PCDH15: variants seen among roughly 807,000 people sequenced by gnomAD.
PCDH15 encodes the protein protocadherin-15.
A neutral mutation model predicts 178.5 loss-of-function variants in PCDH15; 129 were observed. That is an observed-to-expected ratio of 0.72 (90% CI 0.63 to 0.84). The LOEUF (loss-of-function observed/expected upper bound fraction) is 0.84, where lower values mean the gene tolerates loss of function less well. Ranked by LOEUF, PCDH15 falls within the 40% of genes least tolerant of loss-of-function variation. The probability of loss-of-function intolerance (pLI) is 0.00; values close to 1 mark genes in which losing one functional copy is unlikely to be tolerated. For synonymous variants in PCDH15, 800 were observed against 732.0 expected (o/e 1.09, Z -1.50); for missense variants, 2,230 against 2,099.9 (o/e 1.06, Z -1.21).
intron 3 of PCDH15, among the ~76,000 whole-genome samples, chr10:54,810,837 T>C (rs904727490): frequency 3.9e-4 from 60 of 152,182 alleles, no homozygotes; most frequent in African/African-American, 1.4e-3. Flanking sequence ...AAACATAGGC[T>C]AATTTTTGAG....
intron 2 of PCDH15, among the ~76,000 whole-genome samples, chr10:55,471,842 C>T (rs917101271): frequency 1.3e-4 from 20 of 152,148 alleles, no homozygotes; most frequent in African/African-American, 4.8e-4. Flanking sequence ...TTTGCCTCTC[C>T]CCTTATATGC....
chr10:54,255,157 A>G (rs936651525), intron 8 of PCDH15, among the ~76,000 whole-genome samples: 1 of 152,206 alleles, frequency 6.6e-6, no homozygotes, highest in African/African-American at 2.4e-5. Context: ...TTATGTACAA[A>G]AAAGATGTAT....
intron 3 of PCDH15, among the ~76,000 whole-genome samples, chr10:54,455,843 C>T (rs1036338864): frequency 1.3e-5 from 2 of 152,158 alleles, no homozygotes; most frequent in Admixed American, 6.5e-5. Context: ...TGCATCCCAG[C>T]TGCTTCAGCT....
chr10:55,485,153 G>A (rs1283115465), intron 2 of PCDH15, among the ~76,000 whole-genome samples: 1 of 151,632 alleles, frequency 6.6e-6, no homozygotes, highest in African/African-American at 2.4e-5. Flanking sequence ...AATGATTCAT[G>A]TTTAGAATGT....
At chr10:55,408,669 C>T (rs548184073) in intron 2 of PCDH15, among the ~76,000 whole-genome samples, 1 of 152,138 alleles carries the variant, frequency 6.6e-6, no homozygotes, top group African/African-American at 2.4e-5. Flanking sequence ...TACATATGCT[C>T]TAAGAATGGA....
chr10:54,985,554 G>A (rs1386163430), intron 2 of PCDH15, among the ~76,000 whole-genome samples: 2 of 152,050 alleles, frequency 1.3e-5, no homozygotes, highest in South Asian at 2.1e-4. Context: ...GCCTACAGTT[G>A]GGCAAAATCA....
chr10:54,654,560 C>G (rs1265458064), intron 2 of PCDH15, among the ~76,000 whole-genome samples: 1 of 152,086 alleles, frequency 6.6e-6, no homozygotes, highest in Non-Finnish European at 1.5e-5. Context: ...CAAGAAAAAC[C>G]AAATTGCAGA....
At chr10:54,842,260 C>T (rs1193416479) in intron 3 of PCDH15, among the ~76,000 whole-genome samples, 1 of 151,414 alleles carries the variant, frequency 6.6e-6, no homozygotes, top group Non-Finnish European at 1.5e-5. Context: ...GTAGAGTCTT[C>T]GTAATTTTAT....
chr10:55,245,345 CAA>C (rs1841656062), intron 1 of PCDH15, among the ~76,000 whole-genome samples: 1 of 151,960 alleles, frequency 6.6e-6, no homozygotes, highest in South Asian at 2.1e-4. Flanking sequence ...AAATACAAAA[CAA>C]AGTAATTAAA....
rs562434578 is a variant in PCDH15 at position 53,805,510 on chromosome 10, T to C, written c.*1069A>G. On this transcript the variant is annotated 3_prime_UTR_variant, in exon 38 of 38. Transcript: ENST00000644397. ...CAGGCAATGATTTCCTGGTTCTGGA[T>C]TTTAGGCACATAAATATGTGCATTA... The C allele has an allele frequency of 2.6e-5, 4 of 152,240 alleles. No homozygotes were observed. Among genetic ancestry groups the C allele is most frequent in the African/African-American group, 9.6e-5 (4 of 41,570 alleles). The allele number at this position is 152,240 out of a possible 1,614,324, so 9.4% of individuals were successfully genotyped here.
intron 34 of PCDH15, among the ~76,000 whole-genome samples, chr10:53,817,587 TC>T (rs2076111987): frequency 6.7e-6 from 1 of 149,924 alleles, no homozygotes; most frequent in African/African-American, 2.5e-5. Flanking sequence ...AGTGGCCTGA[TC>T]TTGGCTCACT....
chr10:54,151,972 A>G (rs888777959), intron 14 of PCDH15, among the ~76,000 whole-genome samples: 1 of 152,192 alleles, frequency 6.6e-6, no homozygotes, highest in South Asian at 2.1e-4. Flanking sequence ...AAATAATAGA[A>G]TTGAATAGAA....
At chr10:54,211,754 G>A (rs2051462842) in intron 10 of PCDH15, among the ~76,000 whole-genome samples, 6 of 152,002 alleles carry the variant, frequency 3.9e-5, no homozygotes, top group Admixed American at 3.9e-4. Context: ...TAAAAAGAGA[G>A]AGAGAGAGAA....
chr10:54,622,307 C>T (rs2093378260), intron 2 of PCDH15, among the ~76,000 whole-genome samples: 1 of 151,040 alleles, frequency 6.6e-6, no homozygotes, highest in African/African-American at 2.4e-5. Context: ...ATCAGACTTC[C>T]CTGGCTTTTC....
intron 29 of PCDH15, 37 bp downstream of exon 29, chr10:53,840,283 A>T (rs1024226133): frequency 1.3e-6 from 2 of 1,595,186 alleles, no homozygotes; most frequent in African/African-American, 2.7e-5. Context: ...TTGCTATTGT[A>T]ACCAAAGAGC....
At chr10:54,965,476 G>T (rs1014117165) in intron 2 of PCDH15, among the ~76,000 whole-genome samples, 1 of 151,954 alleles carries the variant, frequency 6.6e-6, no homozygotes, top group East Asian at 1.9e-4. Flanking sequence ...TGCCATGATT[G>T]TGAGGCCTCT....
rs75800203 is a variant in PCDH15, at chr10:55,340,917, A to T, written c.-155-174266T>A. On this transcript the variant is annotated intron_variant, in intron 2 of 5. Coordinates refer to the PCDH15 transcript ENST00000613346. ...ATTTAGAATACATCTTACGATTCAC[A>T]TTCTTATAGACTATAATTTGTCAAA... Among the ~76,000 whole-genome samples the T allele has an allele frequency of 1.9e-3, 287 of 152,122 alleles. 8 individuals carry two copies. In the East Asian group the frequency reaches 0.032, roughly 17 times the overall value.
At chr10:54,021,727 C>A (rs1333659200) in intron 19 of PCDH15, among the ~76,000 whole-genome samples, 1 of 151,840 alleles carries the variant, frequency 6.6e-6, no homozygotes, top group Non-Finnish European at 1.5e-5. Flanking sequence ...GCCCTTTGTA[C>A]TGAGGACCTA....
intron 30 of PCDH15, 25 bp downstream of exon 30, chr10:53,831,290 A>G: frequency 6.2e-7 from 1 of 1,605,760 alleles, no homozygotes; most frequent in Non-Finnish European, 8.5e-7. Flanking sequence ...GGAACTATCC[A>G]GGTTTACCAT....
Sources: gnomAD v4.1 joint callset for allele counts (sites outside exome capture counted in the v4.1 genomes callset) on GRCh38, gnomAD v4.1.1 for gene constraint, MANE v1.5 for transcripts, NCBI Gene and HGNC (gene_info 2026-07-23, HGNC 2026-07-21) for gene names.